AVEN: variants seen among roughly 807,000 people sequenced by gnomAD.
AVEN encodes the protein apoptosis and caspase activation inhibitor.
In AVEN, 41 loss-of-function variants were observed where a neutral mutation model predicts 38.1. The ratio of observed to expected loss-of-function variants is 1.08; its 90% CI spans 0.84 to 1.40. The LOEUF (loss-of-function observed/expected upper bound fraction) is 1.40, where lower values mean the gene tolerates loss of function less well. AVEN is among the 40% of genes most tolerant of loss of function. AVEN has a pLI of 0.00. For synonymous variants in AVEN, 206 were observed against 171.8 expected, an observed-to-expected ratio of 1.20 and a Z score of -1.56; for missense variants, 605 against 438.8, an observed-to-expected ratio of 1.38 and a Z score of -3.38.
downstream of AVEN, among the ~76,000 whole-genome samples, chr15:33,862,610 C>T (rs1416777861): frequency 6.6e-6 from 1 of 152,104 alleles, no homozygotes; most frequent in South Asian, 2.1e-4. Context: ...AAGTCAAAAA[C>T]ATGAGTTTTG....
At chr15:33,945,192 G>A (rs894789799) in intron 2 of AVEN, among the ~76,000 whole-genome samples, 7 of 151,974 alleles carry the variant, frequency 4.6e-5, no homozygotes, top group Admixed American at 4.6e-4. Context: ...TTTGTCTCTG[G>A]GTACAACCAC....
chr15:34,064,398 T>G (rs1900456818), intron 4 of AVEN: 2 of 1,444,448 alleles, frequency 1.4e-6, no homozygotes, highest in Non-Finnish European at 1.8e-6. Flanking sequence ...GGTTTGTATA[T>G]TTTCAAAAAG....
At chr15:33,948,101 CTTT>C (rs149409619) in intron 2 of AVEN, among the ~76,000 whole-genome samples, 1 of 139,612 alleles carries the variant, frequency 7.2e-6, no homozygotes. Flanking sequence ...TTTTTCTTTT[CTTT>C]TTTTTTTTTT....
intron 1 of AVEN, among the ~76,000 whole-genome samples, chr15:34,034,092 T>C (rs1223593110): frequency 1.3e-5 from 2 of 152,054 alleles, no homozygotes; most frequent in African/African-American, 2.4e-5. Flanking sequence ...GCCTAAATAA[T>C]TTATTAATGT....
rs772610553 is a variant in AVEN at position 34,062,808 on chromosome 15, A to G, written n.1637+114T>C. On this transcript the variant is annotated intron_variant and non_coding_transcript_variant, in intron 5 of 11. Transcript: ENST00000675287. ...GGAACGCCACAGGTTGTGGGAAGTC[A>G]TCACCATTGCAGCTGTGACTGCTGT... 3.1e-6 allele frequency: 5 copies of G among 1,614,102 alleles called. No homozygotes were observed. In the East Asian group the frequency reaches 1.1e-4, roughly 36 times the overall value.
downstream of AVEN, chr15:33,865,277 TAA>T: frequency 4.5e-6 from 6 of 1,326,090 alleles, no homozygotes; most frequent in Non-Finnish European, 6.5e-6. Flanking sequence ...TCCCATGAAA[TAA>T]AGTCCCCTTT....
chr15:33,858,044 G>C, downstream of AVEN: 1 of 1,184,580 alleles, frequency 8.4e-7, no homozygotes, highest in East Asian at 2.5e-5. Flanking sequence ...GCACAGCAGA[G>C]ATTAAAGTAG....
chr15:33,951,671 T>G (rs1894757539), intron 2 of AVEN, among the ~76,000 whole-genome samples: 1 of 152,140 alleles, frequency 6.6e-6, no homozygotes, highest in Admixed American at 6.6e-5. Flanking sequence ...CACTCTTCCA[T>G]TTTTGTCAAA....
At chr15:33,869,847 T>G (rs1890860498) in intron 4 of AVEN, among the ~76,000 whole-genome samples, 2 of 151,604 alleles carry the variant, frequency 1.3e-5, no homozygotes, top group Admixed American at 1.3e-4. Context: ...TTTTTGATCG[T>G]GCCAGAATGT....
intron 2 of AVEN, among the ~76,000 whole-genome samples, chr15:33,929,140 G>A (rs1170564190): frequency 1.3e-5 from 2 of 151,754 alleles, no homozygotes; most frequent in African/African-American, 4.8e-5. Context: ...TGGAGAATGG[G>A]GTGCCTGACC....
intron 11 of AVEN, among the ~76,000 whole-genome samples, chr15:33,860,824 C>A (rs949367524): frequency 6.6e-6 from 1 of 150,936 alleles, no homozygotes; most frequent in Non-Finnish European, 1.5e-5. Flanking sequence ...CCTGCCAGGC[C>A]GGCCACTCTG....
intron 5 of AVEN, among the ~76,000 whole-genome samples, chr15:34,045,880 C>T (rs145922646): frequency 6.6e-6 from 1 of 152,118 alleles, no homozygotes; most frequent in Non-Finnish European, 1.5e-5. Flanking sequence ...AAGAAACAAT[C>T]GGCCAAGGTT....
intron 2 of AVEN, among the ~76,000 whole-genome samples, chr15:33,942,347 T>C (rs1233422501): frequency 1.3e-5 from 2 of 152,232 alleles, no homozygotes; most frequent in Non-Finnish European, 2.9e-5. Context: ...TCTTACATTA[T>C]TGACATAATT....
upstream of AVEN, among the ~76,000 whole-genome samples, chr15:34,042,969 C>A (rs1404216663): frequency 6.6e-6 from 1 of 151,886 alleles, no homozygotes; most frequent in Non-Finnish European, 1.5e-5. Flanking sequence ...ATGGATTGGC[C>A]AGGCGCGGTG....
intron 1 of AVEN, among the ~76,000 whole-genome samples, chr15:34,072,741 C>G (rs1417717648): frequency 6.6e-6 from 1 of 150,884 alleles, no homozygotes; most frequent in Admixed American, 6.6e-5. Context: ...CTCCGCCTCC[C>G]GGGTTCAACA....
downstream of AVEN, chr15:33,865,747 TTGTCGACAC>T (rs1162653172): frequency 6.5e-6 from 1 of 153,572 alleles, no homozygotes; most frequent in African/African-American, 2.4e-5. Context: ...AACCGACACT[TTGTCGACAC>T]TGAAATATCG....
chr15:33,948,680 TATTTGTTTTTAAGACAG>T (rs1894600895), intron 2 of AVEN, among the ~76,000 whole-genome samples: 1 of 152,034 alleles, frequency 6.6e-6, no homozygotes, highest in South Asian at 2.1e-4. Flanking sequence ...GGTGTTTGTT[TATTTGTTTTTAAGACAG>T]AGTCTCACTC....
chr15:33,909,518 A>C (rs1185287487), intron 2 of AVEN, among the ~76,000 whole-genome samples: 1 of 152,208 alleles, frequency 6.6e-6, no homozygotes, highest in African/African-American at 2.4e-5. Flanking sequence ...GTAGTAAGGA[A>C]GAAAACTGTC....
intron 1 of AVEN, among the ~76,000 whole-genome samples, chr15:34,022,916 G>C (rs780558162): frequency 6.6e-6 from 1 of 152,174 alleles, no homozygotes; most frequent in African/African-American, 2.4e-5. Flanking sequence ...GGCCGGGCGC[G>C]GTGGCTCACG....
Sources: gnomAD v4.1 joint callset for allele counts (sites outside exome capture counted in the v4.1 genomes callset) on GRCh38, gnomAD v4.1.1 for gene constraint, MANE v1.5 for transcripts, NCBI Gene and HGNC (gene_info 2026-07-23, HGNC 2026-07-21) for gene names.